Variants in CSMD1 observed in about 807,000 individuals in gnomAD.
CSMD1 encodes the protein CUB and sushi domain-containing protein 1.
In CSMD1, 213 loss-of-function variants were observed where a neutral mutation model predicts 417.5. That is an observed-to-expected ratio of 0.51 (90% confidence interval 0.46 to 0.57). The LOEUF (loss-of-function observed/expected upper bound fraction) is 0.57. Ranked by LOEUF, CSMD1 falls within the 20% of genes least tolerant of loss-of-function variation. The pLI is 0.00. For missense variants in CSMD1, 6,923 were observed against 4,529.7 expected (o/e 1.53, Z -15.17); for synonymous variants, 2,862 against 1,736.8 (o/e 1.65, Z -16.11).
intron 4 of CSMD1, among the ~76,000 whole-genome samples, chr8:4,009,607 TGG>T (rs1215249291): frequency 6.6e-6 from 1 of 152,168 alleles, no homozygotes; most frequent in Non-Finnish European, 1.5e-5. Flanking sequence ...TACAATTGCA[TGG>T]GGAAATATCC....
intron 1 of CSMD1, among the ~76,000 whole-genome samples, chr8:4,990,428 A>G (rs1282794502): frequency 1.3e-5 from 2 of 151,894 alleles, no homozygotes; most frequent in Admixed American, 6.6e-5. Context: ...CAATGGCACG[A>G]TCTCAGCCTA....
chr8:2,942,315 C>T (rs1027983270), intron 69 of CSMD1, among the ~76,000 whole-genome samples, 157 bp downstream of exon 69: 1 of 151,414 alleles, frequency 6.6e-6, no homozygotes, highest in Admixed American at 6.6e-5. Flanking sequence ...GGCACGTGTA[C>T]CCCGGAACTC....
intron 26 of CSMD1, among the ~76,000 whole-genome samples, chr8:3,274,042 C>A (rs1323807520): frequency 6.6e-6 from 1 of 151,184 alleles, no homozygotes; most frequent in South Asian, 2.1e-4. Flanking sequence ...TTGGATCTTT[C>A]CTGCTTTCTC....
Position 4,253,860 on chromosome 8 carries a change from G to A in CSMD1, c.415+166093C>T, listed in dbSNP as rs571884288. On this transcript the variant is annotated intron_variant, in intron 3 of 69. Transcript: ENST00000635120. ...CTAAGGAGGTAACAATACATTTCCT[G>A]CTGGTCTTATCTACAAAGAGACACT... Among the ~76,000 whole-genome samples, 3 of 146,590 alleles carry A rather than the reference G, an allele frequency of 2.0e-5. No individual in the cohort carries two copies. The South Asian group carries it at 6.5e-4, about 32-fold the overall frequency.
At chr8:4,692,949 C>A (rs902711041) in intron 1 of CSMD1, among the ~76,000 whole-genome samples, 4 of 152,174 alleles carry the variant, frequency 2.6e-5, no homozygotes, top group Non-Finnish European at 5.9e-5. Context: ...GTGGGCCAAT[C>A]CCCAAGAGGT....
At position 3,445,016 on chromosome 8, in the gene CSMD1, C is replaced by T. The variant is rs547501529; in HGVS notation, c.1561+23696G>A. 3.3e-3 allele frequency among the ~76,000 whole-genome samples: 502 copies of T among 152,246 alleles called. 2 individuals carry two copies. Among genetic ancestry groups the T allele is most frequent in the African/African-American group, 0.011 (457 of 41,540 alleles). On this transcript the variant is annotated intron_variant, in intron 12 of 69. Coordinates refer to ENST00000635120, the MANE Select transcript of CSMD1 (RefSeq NM_033225.6). ...CCTGTCCAAGCCTCTTTATCCAGTG[C>T]CAAGTCACAGAAACTTTCTTAAACA... is the stretch of plus-strand genomic sequence containing the variant.
At chr8:4,226,727 T>G (rs1401489) in intron 3 of CSMD1, among the ~76,000 whole-genome samples, 5,164 of 152,254 alleles carry the variant, frequency 0.034, 85 homozygotes, top group Middle Eastern at 0.15. Context: ...AAAATGAGTT[T>G]TTAATAATCA....
chr8:4,208,672 A>C (rs945469872), intron 3 of CSMD1, among the ~76,000 whole-genome samples: 9 of 152,214 alleles, frequency 5.9e-5, no homozygotes, highest in African/African-American at 2.2e-4. Flanking sequence ...CAATTATGCA[A>C]AACATCATGA....
intron 1 of CSMD1, among the ~76,000 whole-genome samples, chr8:4,763,151 A>G (rs1812227011): frequency 6.6e-6 from 1 of 152,208 alleles, no homozygotes; most frequent in Admixed American, 6.5e-5. Context: ...ACAGGAAATA[A>G]AAACTGTCAA....
intron 41 of CSMD1, among the ~76,000 whole-genome samples, chr8:3,123,698 G>C (rs1046254681): frequency 1.3e-5 from 2 of 152,166 alleles, no homozygotes; most frequent in African/African-American, 4.8e-5. Flanking sequence ...TTCATTAGAA[G>C]ATTTCATCCA....
chr8:4,381,911 GC>G (rs1182359285), intron 3 of CSMD1, among the ~76,000 whole-genome samples: 3 of 151,962 alleles, frequency 2.0e-5, no homozygotes, highest in Non-Finnish European at 4.4e-5. Flanking sequence ...CAAGACACTT[GC>G]CCACTGCAGG....
chr8:2,975,430 C>A (rs1053661289), intron 55 of CSMD1, among the ~76,000 whole-genome samples: 1 of 152,086 alleles, frequency 6.6e-6, no homozygotes, highest in African/African-American at 2.4e-5. Context: ...TACTCAAAGG[C>A]GACTGCTTTA....
intron 3 of CSMD1, among the ~76,000 whole-genome samples, chr8:4,286,441 G>T (rs1048715796): frequency 6.6e-6 from 1 of 152,100 alleles, no homozygotes; most frequent in East Asian, 1.9e-4. Flanking sequence ...AGTATGTTTA[G>T]TCGGTTGCAA....
chr8:3,628,587 T>C (rs1213153291), intron 7 of CSMD1, among the ~76,000 whole-genome samples: 1 of 152,136 alleles, frequency 6.6e-6, no homozygotes, highest in African/African-American at 2.4e-5. Context: ...CTGGGCATCA[T>C]GGCAAGTGCA....
chr8:3,256,074 T>A (rs1800628316), intron 26 of CSMD1, among the ~76,000 whole-genome samples: 2 of 152,018 alleles, frequency 1.3e-5, no homozygotes, highest in South Asian at 4.1e-4. Context: ...ACACCTGTAA[T>A]CCCAGGACTT....
intron 3 of CSMD1, among the ~76,000 whole-genome samples, chr8:4,120,017 T>A (rs922119861): frequency 6.6e-6 from 1 of 152,144 alleles, no homozygotes; most frequent in Non-Finnish European, 1.5e-5. Flanking sequence ...TGACGGCAGT[T>A]GATGATAATT....
At chr8:3,773,385 C>T (rs931259433) in intron 5 of CSMD1, among the ~76,000 whole-genome samples, 2 of 152,144 alleles carry the variant, frequency 1.3e-5, no homozygotes, top group African/African-American at 4.8e-5. Context: ...AGTGAAGGCT[C>T]AAGTGGTTCT....
chr8:4,949,979 T>G (rs60743918), intron 1 of CSMD1, among the ~76,000 whole-genome samples: 10,747 of 152,204 alleles, frequency 0.071, 463 homozygotes, highest in East Asian at 0.15. Flanking sequence ...TGCAAATGTT[T>G]TTTATCTAAT....
At chr8:3,900,233 G>C (rs972985063) in intron 5 of CSMD1, among the ~76,000 whole-genome samples, 1 of 151,766 alleles carries the variant, frequency 6.6e-6, no homozygotes, top group Non-Finnish European at 1.5e-5. Context: ...AGTGTTAACA[G>C]TGGAGCTGGG....
Sources: allele counts gnomAD v4.1 joint callset (sites outside exome capture counted in the v4.1 genomes callset), GRCh38; gene constraint gnomAD v4.1.1; transcripts MANE v1.5; gene names NCBI Gene and HGNC (gene_info 2026-07-23, HGNC 2026-07-21).